The following RBM19 variants were observed in gnomAD, a reference collection of about 807,000 sequenced individuals.
RBM19 encodes the protein RNA binding motif protein 19.
RBM19 carries 94 observed loss-of-function variants against 116.8 expected under a neutral mutation model. The observed-to-expected ratio is 0.80, with a 90% CI of 0.68 to 0.95. The LOEUF (loss-of-function observed/expected upper bound fraction) is 0.95, where lower values mean the gene tolerates loss of function less well. Ranked by LOEUF, RBM19 falls within the 40% of genes least tolerant of loss-of-function variation. The pLI is 0.00. For missense variants in RBM19, 1,161 were observed against 1,220.7 expected, an observed-to-expected ratio of 0.95 and a Z score of 0.73; for synonymous variants, 475 against 494.1, an observed-to-expected ratio of 0.96 and a Z score of 0.51.
rs376721393 is a variant in RBM19 at position 113,962,186 on chromosome 12, C to A, written c.219+46G>T. ...AAGTGCTGAGTGAAAGATCAAACAA[C>A]GTCACACTTGACAGGAAGGTAAGGG... On this transcript the variant is annotated intron_variant, in intron 2 of 23. Coordinates refer to ENST00000261741, the MANE Select transcript of RBM19 (RefSeq NM_016196.4). 11 of 1,599,910 alleles carry A rather than the reference C, an allele frequency of 6.9e-6. No homozygotes were observed. The Admixed American group carries it at 1.3e-4, about 20-fold the overall frequency.
chr12:113,934,778 G>A (rs192797960), intron 16 of RBM19, among the ~76,000 whole-genome samples: 3 of 152,322 alleles, frequency 2.0e-5, no homozygotes, highest in Non-Finnish European at 4.4e-5. Context: ...ACTGTGTTCT[G>A]AGGCTGGGCT....
In RBM19 at chr12:113,823,188, C is replaced by T; in HGVS notation, c.*36G>A. On this transcript the variant is annotated 3_prime_UTR_variant, in exon 24 of 24. Coordinates refer to ENST00000261741, the MANE Select transcript of RBM19 (RefSeq NM_016196.4). ...AAGCTGGAGCGGCTGTCCCGGTCCCCAGGGCCCCGGAGCCACACACCCTCT... is the reference window on the plus strand; with the variant it reads ...AAGCTGGAGCGGCTGTCCCGGTCCCTAGGGCCCCGGAGCCACACACCCTCT... The T allele has an allele frequency of 7.6e-6, 12 of 1,587,060 alleles. No individual in the cohort carries two copies. Among genetic ancestry groups the T allele is most frequent in the Non-Finnish European group, 1.0e-5 (12 of 1,166,576 alleles).
At chr12:113,910,915 C>A (rs1044449020) in intron 21 of RBM19, among the ~76,000 whole-genome samples, 1 of 152,240 alleles carries the variant, frequency 6.6e-6, no homozygotes, top group Non-Finnish European at 1.5e-5. Flanking sequence ...TGTATACACT[C>A]AGGCCCGATC....
Position 113,927,155 on chromosome 12 carries a change from C to A in RBM19, c.2143G>T (p.Glu715Ter). 6.2e-7 allele frequency: 1 copy of A among 1,606,992 alleles called. No homozygotes were observed. Among genetic ancestry groups the A allele is most frequent in the Admixed American group, 1.7e-5 (1 of 58,882 alleles). Residue 715 changes from glutamate to a stop codon, truncating the protein, a stop_gained, in exon 17 of 24, where the codon GAG (glutamate) becomes TAG (stop). Coordinates refer to ENST00000261741, the MANE Select transcript of RBM19 (RefSeq NM_016196.4). LOFTEE classifies it high-confidence loss of function. ...TCTTCTTCCTCTTCCTCCTCCTCCT[C>A]TTCCATCTTTGCTGAAGAGTTGTCT... is the stretch of plus-strand genomic sequence containing the variant. The part of the protein sequence containing the change: ...GADNSSAKME[E>*]EEEEEEEEEE...
At chr12:113,836,321 ATC>A (rs1483502668) in intron 23 of RBM19, among the ~76,000 whole-genome samples, 1 of 152,158 alleles carries the variant, frequency 6.6e-6, no homozygotes, top group Admixed American at 6.5e-5. Flanking sequence ...TTTTGAAAGC[ATC>A]TCTGTCTGGT....
chr12:113,966,121 G>A (rs1872847372), intron 1 of RBM19, 71 bp downstream of exon 1: 2 of 1,592,492 alleles, frequency 1.3e-6, no homozygotes, highest in East Asian at 4.5e-5. Context: ...TCACCTCCAG[G>A]CATCTCTTCC....
At chr12:113,893,387 C>T (rs566081634) in intron 21 of RBM19, among the ~76,000 whole-genome samples, 1 of 152,244 alleles carries the variant, frequency 6.6e-6, no homozygotes, top group South Asian at 2.1e-4. Flanking sequence ...GCCTTGCCCT[C>T]CCAAAAGTGC....
chr12:113,944,093 GTTTTTTTTT>G (rs71433305), intron 13 of RBM19, among the ~76,000 whole-genome samples: 5 of 67,668 alleles, frequency 7.4e-5, no homozygotes, highest in African/African-American at 3.2e-4. Context: ...CCAGATGCAT[GTTTTTTTTT>G]TTTTTTTTTT....
intron 21 of RBM19, among the ~76,000 whole-genome samples, chr12:113,874,791 G>C (rs1879539671): frequency 6.6e-6 from 1 of 152,202 alleles, no homozygotes; most frequent in South Asian, 2.1e-4. Flanking sequence ...CCATGATGTT[G>C]GAAAGCCCAG....
intron 16 of RBM19, among the ~76,000 whole-genome samples, chr12:113,929,073 G>T (rs1032882501): frequency 6.6e-6 from 1 of 152,120 alleles, no homozygotes; most frequent in African/African-American, 2.4e-5. Flanking sequence ...GAGGTCCCAC[G>T]GGCGGGTACG....
intron 21 of RBM19, among the ~76,000 whole-genome samples, chr12:113,863,211 CTGTGTGTGTG>C (rs3065431): frequency 3.4e-5 from 5 of 148,412 alleles, no homozygotes; most frequent in Non-Finnish European, 6.0e-5. Context: ...ATACGTGTGT[CTGTGTGTGTG>C]TGTGTGTGTG....
At chr12:113,966,094 G>A (rs1298259503) in intron 1 of RBM19, 98 bp downstream of exon 1, 6 of 1,494,910 alleles carry the variant, frequency 4.0e-6, no homozygotes, top group Non-Finnish European at 5.6e-6. Context: ...TCCTGCCCCA[G>A]AGCAAAAATT....
chr12:113,941,726 G>C (rs1870592732), intron 14 of RBM19, among the ~76,000 whole-genome samples: 1 of 152,032 alleles, frequency 6.6e-6, no homozygotes, highest in Non-Finnish European at 1.5e-5. Flanking sequence ...CATCCATCTT[G>C]AGGTAAAAAT....
At chr12:113,957,727 C>T (rs561270705) in intron 6 of RBM19, 55 bp downstream of exon 6, 38 of 1,519,476 alleles carry the variant, frequency 2.5e-5, no homozygotes, top group African/African-American at 7.0e-5. Context: ...GTGGGGACCA[C>T]GGGCAAGCAG....
Position 113,915,038 on chromosome 12 carries a change from G to A in RBM19, c.2489C>T (p.Thr830Ile). 1 of 1,614,218 alleles carries A rather than the reference G, an allele frequency of 6.2e-7. No homozygotes were observed. The highest frequency in any genetic ancestry group is 8.5e-7 in the Non-Finnish European group (1 of 1,180,038). The change falls in exon 21 of 24, where the codon ACC becomes ATC. Residue 830 changes from threonine (T) to isoleucine (I), a missense_variant. Coordinates refer to ENST00000261741, the MANE Select transcript of RBM19 (RefSeq NM_016196.4). ...GTTCCGCACCAGGATCTTGGAGGTG[G>A]TCTGCTTTCTGGGAACTTGTTTCTT... ...ARKKQVPRKQTTSKILVRNIP... is the reference protein window; with the variant it reads ...ARKKQVPRKQITSKILVRNIP...
At chr12:113,828,975 G>T (rs539812077) in intron 23 of RBM19, among the ~76,000 whole-genome samples, 1 of 151,878 alleles carries the variant, frequency 6.6e-6, no homozygotes, top group Non-Finnish European at 1.5e-5. Flanking sequence ...TCCCTTTATT[G>T]ATACAGGAGG....
rs1019066029 is a variant in RBM19 at position 113,936,892 on chromosome 12, C to T, written c.2068+115G>A. 5 of 1,386,566 alleles carry T rather than the reference C, an allele frequency of 3.6e-6. No homozygotes were observed. In the African/African-American group the frequency reaches 7.3e-5, roughly 20 times the overall value. 85.9% of individuals were successfully genotyped at this position (1,386,566 alleles called of 1,614,324 possible). A position where few individuals can be genotyped will look rare whatever the true frequency, so the allele number is the denominator to read the frequency against. Reference sequence around the variant, plus strand: ...GAGTCTGAGCCCTGCTGGTCTCTAGCATGAACAAAGAGCTTTAAACCAGAG... The same window carrying T: ...GAGTCTGAGCCCTGCTGGTCTCTAGTATGAACAAAGAGCTTTAAACCAGAG... On this transcript the variant is annotated intron_variant, in intron 16 of 23. Coordinates refer to ENST00000261741, the MANE Select transcript of RBM19 (RefSeq NM_016196.4).
chr12:113,843,603 G>A (rs947558950), intron 23 of RBM19, among the ~76,000 whole-genome samples: 7 of 152,214 alleles, frequency 4.6e-5, no homozygotes, highest in Non-Finnish European at 7.3e-5. Flanking sequence ...TTTTGCTGCC[G>A]GGCCCAGGCC....
intron 21 of RBM19, among the ~76,000 whole-genome samples, chr12:113,904,311 G>C (rs905546335): frequency 6.6e-6 from 1 of 152,000 alleles, no homozygotes; most frequent in African/African-American, 2.4e-5. Context: ...TTGCTGAATG[G>C]GCACATGAAA....
Sources: allele counts gnomAD v4.1 joint callset (sites outside exome capture counted in the v4.1 genomes callset), GRCh38; gene constraint gnomAD v4.1.1; transcripts MANE v1.5; gene names NCBI Gene and HGNC (gene_info 2026-07-23, HGNC 2026-07-21).